The following MYEF2 variants were observed in gnomAD, a reference collection of about 807,000 sequenced individuals.
The protein encoded by MYEF2 is myelin expression factor 2.
MYEF2 carries 37 observed loss-of-function variants against 75.2 expected under a neutral mutation model. The observed-to-expected ratio is 0.49, with a 90% CI of 0.38 to 0.65. MYEF2 has a LOEUF of 0.65. Among genes scored for constraint, MYEF2 ranks in the 30% least tolerant of loss-of-function variants. The pLI, the probability that MYEF2 is intolerant of heterozygous loss-of-function variation, is 0.00. For synonymous variants in MYEF2, 195 were observed against 241.6 expected (o/e 0.81, Z 1.79); for missense variants, 634 against 771.4 (o/e 0.82, Z 2.11).
At chr15:48,175,834 C>T (rs1436446725) in intron 1 of MYEF2, among the ~76,000 whole-genome samples, 1 of 152,046 alleles carries the variant, frequency 6.6e-6, no homozygotes, top group Non-Finnish European at 1.5e-5. Flanking sequence ...TACCATTTGG[C>T]GTTAAAGAAG....
chr15:48,158,896 C>T lies in MYEF2; in HGVS notation c.744G>A (p.Lys248=), dbSNP rs1271931825. 3 of 1,613,382 alleles carry T rather than the reference C, an allele frequency of 1.9e-6. No individual in the cohort carries two copies. Among genetic ancestry groups the T allele is most frequent in the Non-Finnish European group, 2.5e-6 (3 of 1,179,684 alleles). The change falls in exon 7 of 17, where the codon AAG becomes AAA. Residue 248 remains lysine, a synonymous_variant. Transcript: ENST00000324324. ...ANLDFKVGWK[K]LKEVFSIAGT... is the part of the protein sequence containing the mutation. ...CAGCTATGCTGAACACTTCCTTTAG[C>T]TTCTTCCAACCAACTTTGAAGTCAA...
Position 48,140,815 on chromosome 15 carries a change from T to C in MYEF2, c.*2093A>G, listed in dbSNP as rs750422237. On this transcript the variant is annotated 3_prime_UTR_variant, in exon 17 of 17. Coordinates refer to ENST00000324324, the MANE Select transcript of MYEF2 (RefSeq NM_016132.5). ...ATTCAGCACAGCCCTGATGAGATAA[T>C]GGTGGACATAAACATCTTTTGTAAG... 3.8e-5 allele frequency: 12 copies of C among 319,722 alleles called. No individual in the cohort carries two copies. The highest frequency in any genetic ancestry group is 6.0e-5 in the Non-Finnish European group (10 of 166,998). The allele number at this position is 319,722 out of a possible 1,614,324, so 19.8% of individuals were successfully genotyped here.
At chr15:48,170,692 G>A (rs2040299687) in intron 1 of MYEF2, among the ~76,000 whole-genome samples, 1 of 152,136 alleles carries the variant, frequency 6.6e-6, no homozygotes, top group African/African-American at 2.4e-5. Context: ...GCAGTCATTT[G>A]TTACATAATA....
At chr15:48,148,450 C>A (rs16960634) in intron 16 of MYEF2, among the ~76,000 whole-genome samples, 6,718 of 151,978 alleles carry the variant, frequency 0.044, 498 homozygotes, top group African/African-American at 0.16. Flanking sequence ...TAGTTAAGAA[C>A]AGTTTATAAA....
rs1159909081 is a variant in MYEF2, at chr15:48,140,852, G to A, written c.*2056C>T. 2 of 343,636 alleles carry A rather than the reference G, an allele frequency of 5.8e-6. No homozygotes were observed. The highest frequency in any genetic ancestry group is 4.2e-5 in the African/African-American group (2 of 47,314). 21.3% of individuals were successfully genotyped at this position (343,636 alleles called of 1,614,324 possible). A position where few individuals can be genotyped will look rare whatever the true frequency, so the allele number is the denominator to read the frequency against. ...ACATCTTTTGTAAGAATATCAAACA[G>A]GAAAATTTCTCACTGGCAGAATTTT... On this transcript the variant is annotated 3_prime_UTR_variant, in exon 17 of 17. Coordinates refer to ENST00000324324, the MANE Select transcript of MYEF2 (RefSeq NM_016132.5).
chr15:48,158,934 A>G lies in MYEF2; in HGVS notation c.718-12T>C. The G allele has an allele frequency of 6.2e-7, 1 of 1,611,496 alleles. No individual in the cohort carries two copies. Among genetic ancestry groups the G allele is most frequent in the Non-Finnish European group, 8.5e-7 (1 of 1,178,472 alleles). On this transcript the variant is annotated splice_polypyrimidine_tract_variant and intron_variant, in intron 6 of 16. Transcript: ENST00000324324. ...ACTTTGAAGTCAAGCTTAATATAAA[A>G]TTGTATAAAGTTACATACCTAATAA...
In MYEF2 at chr15:48,141,211, A is replaced by G; in HGVS notation, c.*1697T>C. ...AATTGCAAGTGTGTTGGTTGCAAGAAAAGGTAAGAACTAGGTCCCTCAAGC... is the reference window on the plus strand; with the variant it reads ...AATTGCAAGTGTGTTGGTTGCAAGAGAAGGTAAGAACTAGGTCCCTCAAGC... On this transcript the variant is annotated 3_prime_UTR_variant, in exon 17 of 17. Transcript: ENST00000324324. The G allele has an allele frequency of 6.2e-7, 1 of 1,611,080 alleles. No individual in the cohort carries two copies. Among genetic ancestry groups the G allele is most frequent in the Non-Finnish European group, 8.5e-7 (1 of 1,177,306 alleles).
rs1194599987 is a variant in MYEF2, at chr15:48,143,156, T to C, written c.1640-85A>G. 7.6e-6 allele frequency: 6 copies of C among 788,582 alleles called. No individual in the cohort carries two copies. In the East Asian group the frequency reaches 1.9e-4, roughly 25 times the overall value. 48.8% of individuals were successfully genotyped at this position (788,582 alleles called of 1,614,324 possible). A position where few individuals can be genotyped will look rare whatever the true frequency, so the allele number is the denominator to read the frequency against. On this transcript the variant is annotated intron_variant, in intron 16 of 16. Transcript: ENST00000324324. ...AGGTTTGAAATTCCTCATAGCCAAT[T>C]GTGATAATTAATTTGATTAAAAACA...
At chr15:48,174,124 A>G (rs1298283588) in intron 1 of MYEF2, among the ~76,000 whole-genome samples, 1 of 152,162 alleles carries the variant, frequency 6.6e-6, no homozygotes, top group Admixed American at 6.5e-5. Flanking sequence ...ACAATATGGT[A>G]CTGGTACAAA....
intron 1 of MYEF2, among the ~76,000 whole-genome samples, chr15:48,175,777 AC>A (rs749765406): frequency 2.0e-5 from 3 of 152,162 alleles, no homozygotes; most frequent in Non-Finnish European, 4.4e-5. Flanking sequence ...TTATAATAAT[AC>A]TGCTCTTTTC....
At chr15:48,166,074 T>C (rs757082738) in intron 4 of MYEF2, 47 bp downstream of exon 4, 1 of 1,579,024 alleles carries the variant, frequency 6.3e-7, no homozygotes, top group East Asian at 2.2e-5. Context: ...CTAATTTTTT[T>C]CCAAAGTTTA....
At chr15:48,161,069 A>G (rs2039923249) in intron 5 of MYEF2, among the ~76,000 whole-genome samples, 1 of 152,128 alleles carries the variant, frequency 6.6e-6, no homozygotes, top group African/African-American at 2.4e-5. Flanking sequence ...GTTTGTGCTT[A>G]TAACATTAAC....
chr15:48,136,759 T>C lies in MYEF2; in HGVS notation c.*6149A>G, dbSNP rs368998707. 1.2e-6 allele frequency: 2 copies of C among 1,613,362 alleles called. No homozygotes were observed. The highest frequency in any genetic ancestry group is 1.7e-6 in the Non-Finnish European group (2 of 1,179,722). On this transcript the variant is annotated 3_prime_UTR_variant, in exon 17 of 17. Coordinates refer to ENST00000324324, the MANE Select transcript of MYEF2 (RefSeq NM_016132.5). ...GTGTTTTGACATTAAAATTAACCAA[T>C]ATATTATAAAGAAATGCAGTCCTTG...
intron 1 of MYEF2, among the ~76,000 whole-genome samples, chr15:48,175,164 A>C (rs1344363089): frequency 6.6e-6 from 1 of 152,142 alleles, no homozygotes; most frequent in East Asian, 1.9e-4. Flanking sequence ...TGCCATTTGC[A>C]ACAACAGAGA....
chr15:48,165,098 C>T (rs767710355), intron 5 of MYEF2, among the ~76,000 whole-genome samples: 1 of 152,080 alleles, frequency 6.6e-6, no homozygotes, highest in Non-Finnish European at 1.5e-5. Context: ...GGAATCAAAT[C>T]ATTAGTATAC....
rs1597307883 is a variant in MYEF2, at chr15:48,152,461, T to C, written c.1088-177A>G. On this transcript the variant is annotated intron_variant, in intron 10 of 16. Coordinates refer to ENST00000324324, the MANE Select transcript of MYEF2 (RefSeq NM_016132.5). ...CTATGCCATAGCAGCTGTCTAATCA[T>C]GAATCTTCAAAAGGGTTTCTTTGAA... The C allele has an allele frequency of 1.2e-5, 6 of 508,588 alleles. No homozygotes were observed. In the East Asian group the frequency reaches 1.9e-4, roughly 16 times the overall value. 31.5% of individuals were successfully genotyped at this position (508,588 alleles called of 1,614,324 possible).
At position 48,140,431 on chromosome 15, in the gene MYEF2, A is replaced by C. The variant is rs539341481; in HGVS notation, c.*2477T>G. 2.0e-5 allele frequency: 3 copies of C among 152,294 alleles called. No homozygotes were observed. The South Asian group carries it at 6.2e-4, about 32-fold the overall frequency. 9.4% of individuals were successfully genotyped at this position (152,294 alleles called of 1,614,324 possible). On this transcript the variant is annotated 3_prime_UTR_variant, in exon 17 of 17. Coordinates refer to ENST00000324324, the MANE Select transcript of MYEF2 (RefSeq NM_016132.5). ...AACCAAGTTTTCAATTACAACATTAAAGGAACAGTTACATAACCTTTTGTT... is the reference window on the plus strand; with the variant it reads ...AACCAAGTTTTCAATTACAACATTACAGGAACAGTTACATAACCTTTTGTT...
chr15:48,153,720 C>A (rs762007550), intron 10 of MYEF2, 72 bp downstream of exon 10: 5 of 1,209,906 alleles, frequency 4.1e-6, no homozygotes, highest in South Asian at 1.3e-5. Flanking sequence ...TTATTACAGA[C>A]CACATCAATG....
intron 11 of MYEF2, 127 bp from the exon 12 acceptor site, chr15:48,152,069 C>T (rs1041411527): frequency 9.6e-6 from 11 of 1,146,024 alleles, no homozygotes; most frequent in Middle Eastern, 1.9e-4. Flanking sequence ...CTTCTTAACA[C>T]ATCACCTTCC....
Sources: allele counts gnomAD v4.1 joint callset (sites outside exome capture counted in the v4.1 genomes callset), GRCh38; gene constraint gnomAD v4.1.1; transcripts MANE v1.5; gene names NCBI Gene and HGNC (gene_info 2026-07-23, HGNC 2026-07-21).